The following USP13 variants were observed in gnomAD, a reference collection of about 807,000 sequenced individuals.
USP13 encodes the protein ubiquitin specific peptidase 13.
A neutral mutation model predicts 107.8 loss-of-function variants in USP13; 68 were observed. The ratio of observed to expected loss-of-function variants is 0.63; its 90% confidence interval spans 0.52 to 0.77. The LOEUF is 0.77. USP13 is among the 30% of genes least tolerant of loss of function. The pLI is 0.00. For synonymous variants in USP13, 377 were observed against 389.5 expected (o/e 0.97, Z 0.38); for missense variants, 945 against 1,093.3 (o/e 0.86, Z 1.91).
chr3:179,776,153 C>T (rs548286906), intron 19 of USP13, among the ~76,000 whole-genome samples: 2 of 152,062 alleles, frequency 1.3e-5, no homozygotes, highest in Non-Finnish European at 2.9e-5. Flanking sequence ...AAGTTCATCC[C>T]CCTAGATCAG....
chr3:179,693,161 G>A (rs1162811184), intron 3 of USP13, among the ~76,000 whole-genome samples: 7 of 151,888 alleles, frequency 4.6e-5, no homozygotes, highest in Admixed American at 1.3e-4. Flanking sequence ...TTCTTTTTCG[G>A]TTTTTGAGAC....
chr3:179,684,393 C>A (rs1197332583), intron 2 of USP13, among the ~76,000 whole-genome samples: 2 of 152,052 alleles, frequency 1.3e-5, no homozygotes, highest in African/African-American at 2.4e-5. Context: ...TCATTGTAGC[C>A]TCAACCTCCT....
intron 1 of USP13, among the ~76,000 whole-genome samples, chr3:179,667,294 C>G (rs1290205740): frequency 6.6e-6 from 1 of 152,152 alleles, no homozygotes; most frequent in Middle Eastern, 3.2e-3. Context: ...GGCCATTATT[C>G]ATACTCAAAT....
intron 6 of USP13, among the ~76,000 whole-genome samples, chr3:179,709,633 G>A (rs979381427): frequency 6.6e-6 from 1 of 151,954 alleles, no homozygotes; most frequent in African/African-American, 2.4e-5. Context: ...ATTTTGCGAG[G>A]GAAAAAGGCA....
At chr3:179,705,599 C>T (rs964219185) in intron 4 of USP13, among the ~76,000 whole-genome samples, 1 of 152,154 alleles carries the variant, frequency 6.6e-6, no homozygotes, top group African/African-American at 2.4e-5. Context: ...TAGCATGTAT[C>T]AATATTTCAT....
chr3:179,690,870 G>T lies in USP13; in HGVS notation c.355+569G>T, dbSNP rs374678865. Among the ~76,000 whole-genome samples, 4 of 152,232 alleles carry T rather than the reference G, an allele frequency of 2.6e-5. No individual in the cohort carries two copies. The East Asian group carries it at 7.7e-4, about 29-fold the overall frequency. On this transcript the variant is annotated intron_variant, in intron 3 of 20. Transcript: ENST00000263966. ...AACCACTGCACCCGGCCAATTTTTTGCTGACTTTCAATAGCTGGCTCTTGC... is the reference window on the plus strand; with the variant it reads ...AACCACTGCACCCGGCCAATTTTTTTCTGACTTTCAATAGCTGGCTCTTGC...
At chr3:179,671,236 T>TA (rs1393151200) in intron 1 of USP13, among the ~76,000 whole-genome samples, 2 of 152,000 alleles carry the variant, frequency 1.3e-5, no homozygotes, top group African/African-American at 4.8e-5. Flanking sequence ...CTCTCAAAGA[T>TA]AAAAAATTAA....
intron 6 of USP13, among the ~76,000 whole-genome samples, chr3:179,711,996 T>C (rs1345304877): frequency 6.6e-6 from 1 of 152,210 alleles, no homozygotes; most frequent in African/African-American, 2.4e-5. Flanking sequence ...AATGCTGTAA[T>C]GCTACAACAT....
In USP13 at chr3:179,721,900, C is replaced by G. The variant is rs1713335766; in HGVS notation, c.1088+311C>G. Among the ~76,000 whole-genome samples, 1 of 151,958 alleles carries G rather than the reference C, an allele frequency of 6.6e-6. No homozygotes were observed. Among genetic ancestry groups the G allele is most frequent in the Non-Finnish European group, 1.5e-5 (1 of 68,008 alleles). ...GCCTGACCAACATGACGAAACCCGTCTCTACTAAAAATACAAAAATTAGCC... is the reference window on the plus strand; with the variant it reads ...GCCTGACCAACATGACGAAACCCGTGTCTACTAAAAATACAAAAATTAGCC... On this transcript the variant is annotated intron_variant, in intron 8 of 20. Transcript: ENST00000263966. The surrounding 1 kb of genome is among the most constrained non-coding windows in gnomAD (Gnocchi z 4.3).
At chr3:179,781,464 C>T (rs975983718) in intron 19 of USP13, among the ~76,000 whole-genome samples, 12 of 152,074 alleles carry the variant, frequency 7.9e-5, no homozygotes, top group African/African-American at 2.4e-4. Flanking sequence ...GCCACCAGAC[C>T]GGGCTGTGGG....
chr3:179,741,188 GTTTT>G (rs1192069630), intron 11 of USP13, among the ~76,000 whole-genome samples: 1 of 151,686 alleles, frequency 6.6e-6, no homozygotes, highest in Non-Finnish European at 1.5e-5. Flanking sequence ...GCCAGCCAGT[GTTTT>G]TTGTTTGTTT....
At chr3:179,682,094 C>G (rs775378009) in intron 2 of USP13, 91 bp downstream of exon 2, 7 of 1,468,250 alleles carry the variant, frequency 4.8e-6, no homozygotes, top group Non-Finnish European at 6.4e-6. Context: ...TGACCATGCC[C>G]ACATAACTTC....
rs114897036 is a variant in USP13 at position 179,729,634 on chromosome 3, G to A, written c.1089-555G>A. Among the ~76,000 whole-genome samples, 701 of 152,166 alleles carry A rather than the reference G, an allele frequency of 4.6e-3. 6 individuals carry two copies. Among genetic ancestry groups the A allele is most frequent in the African/African-American group, 0.016 (669 of 41,524 alleles). ...TTCCAGGCACGTGCCACTGCACCTGGCTATTTTTTGCATTTTTAGTAGAGA... is the reference window on the plus strand; with the variant it reads ...TTCCAGGCACGTGCCACTGCACCTGACTATTTTTTGCATTTTTAGTAGAGA... On this transcript the variant is annotated intron_variant, in intron 8 of 20. Coordinates refer to ENST00000263966, the MANE Select transcript of USP13 (RefSeq NM_003940.3).
chr3:179,766,270 G>C (rs1047208273), intron 19 of USP13, among the ~76,000 whole-genome samples: 3 of 152,090 alleles, frequency 2.0e-5, no homozygotes, highest in Admixed American at 6.5e-5. Flanking sequence ...GAGCCACCAT[G>C]CCTGGCCAGA....
At chr3:179,665,768 T>C (rs541928990) in intron 1 of USP13, among the ~76,000 whole-genome samples, 1 of 152,262 alleles carries the variant, frequency 6.6e-6, no homozygotes, top group South Asian at 2.1e-4. Context: ...GTATTTTTAG[T>C]AGAGGCAGGG....
intron 19 of USP13, among the ~76,000 whole-genome samples, chr3:179,779,501 G>C (rs1459356488): frequency 1.3e-5 from 2 of 152,020 alleles, no homozygotes; most frequent in Non-Finnish European, 2.9e-5. Flanking sequence ...CTGCACTCCA[G>C]ACTGGGTGAC....
At chr3:179,739,134 C>T (rs1296673953) in intron 10 of USP13, among the ~76,000 whole-genome samples, 4 of 152,312 alleles carry the variant, frequency 2.6e-5, no homozygotes, top group East Asian at 1.9e-4. Flanking sequence ...CAGCTGGCCT[C>T]GGCAGCCGTC....
rs1272212199 is a variant in USP13 at position 179,653,109 on chromosome 3, C to G, written c.-117C>G. On this transcript the variant is annotated 5_prime_UTR_variant, in exon 1 of 21. Transcript: ENST00000263966. This position sits in a 1 kb window ranked among gnomAD's most constrained non-coding sequence, Gnocchi z 4.0. ...CTCTCCCCGCCCGCCCCGGCTCGGC[C>G]GGCTGCCGTTGCCCGCGCAGCCCGC... 3 of 907,248 alleles carry G rather than the reference C, an allele frequency of 3.3e-6. No homozygotes were observed. The African/African-American group carries it at 5.4e-5, about 16-fold the overall frequency. The allele number at this position is 907,248 out of a possible 1,614,324, so 56.2% of individuals were successfully genotyped here.
chr3:179,739,902 T>G (rs779823426), intron 10 of USP13, among the ~76,000 whole-genome samples: 3 of 152,140 alleles, frequency 2.0e-5, no homozygotes, highest in Non-Finnish European at 2.9e-5. Context: ...CAAGCTTGCT[T>G]TGAAATGGGC....
Sources: gnomAD v4.1 joint callset for allele counts (sites outside exome capture counted in the v4.1 genomes callset) on GRCh38, gnomAD v4.1.1 for gene constraint, Gnocchi (gnomAD v3.1) non-coding constraint, MANE v1.5 for transcripts, NCBI Gene and HGNC (gene_info 2026-07-23, HGNC 2026-07-21) for gene names.